COL5A2: variants seen among roughly 807,000 people sequenced by gnomAD.
COL5A2 encodes the protein collagen type V alpha 2 chain.
COL5A2 carries 23 observed loss-of-function variants against 208.2 expected under a neutral mutation model. That is an observed-to-expected ratio of 0.11 (90% CI 0.08 to 0.16). The LOEUF (loss-of-function observed/expected upper bound fraction) is 0.16. Ranked by LOEUF, COL5A2 falls within the 10% of genes least tolerant of loss-of-function variation. The pLI is 1.00. For synonymous variants in COL5A2, 625 were observed against 628.5 expected, an observed-to-expected ratio of 0.99 and a Z score of 0.08; for missense variants, 1,590 against 1,956.4, an observed-to-expected ratio of 0.81 and a Z score of 3.53.
intron 16 of COL5A2, 58 bp from the exon 17 acceptor site, chr2:189,075,495 T>C (rs1686385112): frequency 7.2e-7 from 1 of 1,392,898 alleles, no homozygotes; most frequent in African/African-American, 1.4e-5. Flanking sequence ...CTATATTTTC[T>C]CTTATTTGCC....
chr2:189,155,284 G>A (rs942857180), intron 1 of COL5A2, among the ~76,000 whole-genome samples: 62 of 152,128 alleles, frequency 4.1e-4, no homozygotes, highest in Non-Finnish European at 1.0e-4. Flanking sequence ...CATTGCACTA[G>A]GCCTTTGGGA....
chr2:189,075,384 A>G lies in COL5A2; in HGVS notation c.1104+9T>C. ...ATTAATGAATTAATATGAAAATAAT[A>G]TAACTCACCATTGGTCCAGGTTTTC... On this transcript the variant is annotated intron_variant, in intron 17 of 53. Coordinates refer to ENST00000374866, the MANE Select transcript of COL5A2 (RefSeq NM_000393.5). The G allele has an allele frequency of 6.3e-7, 1 of 1,579,622 alleles. No homozygotes were observed. Among genetic ancestry groups the G allele is most frequent in the Non-Finnish European group, 8.7e-7 (1 of 1,149,268 alleles).
rs749541235 is a variant in COL5A2 at position 189,052,735 on chromosome 2, T to C, written c.2715+14A>G. 1 of 1,613,578 alleles carries C rather than the reference T, an allele frequency of 6.2e-7. No individual in the cohort carries two copies. Among genetic ancestry groups the C allele is most frequent in the Non-Finnish European group, 8.5e-7 (1 of 1,179,478 alleles). ...TTAGCTGTGCATACTTTGCAGAGCA[T>C]CAAATAAACTTACAGGCGGACCTTG... On this transcript the variant is annotated intron_variant, in intron 40 of 53. Transcript: ENST00000374866.
At chr2:189,182,366 G>C (rs564436885), upstream of COL5A2, among the ~76,000 whole-genome samples, 3 of 152,110 alleles carry the variant, frequency 2.0e-5, no homozygotes, top group African/African-American at 7.2e-5. Context: ...ATATATAGGC[G>C]ATTACGGTTC....
At chr2:189,371,140 C>T in the COL5A2 span, among the ~76,000 whole-genome samples, 1 of 152,122 alleles carries the variant, frequency 6.6e-6, no homozygotes, top group Non-Finnish European at 1.5e-5. Flanking sequence ...TGTGCCTGCT[C>T]CCCCTTTGCC....
At chr2:189,369,193 T>C in the COL5A2 span, among the ~76,000 whole-genome samples, 1 of 152,172 alleles carries the variant, frequency 6.6e-6, no homozygotes, top group Non-Finnish European at 1.5e-5. Flanking sequence ...TTAGAGCATG[T>C]ATCACTAATA....
chr2:189,197,950 C>T (rs889624424), intron 1 of COL5A2, among the ~76,000 whole-genome samples: 4 of 151,676 alleles, frequency 2.6e-5, no homozygotes, highest in Non-Finnish European at 5.9e-5. Context: ...CCCAGGTTCA[C>T]GCCATTCTCG....
At chr2:189,305,988 C>T in the COL5A2 span, among the ~76,000 whole-genome samples, 2 of 152,092 alleles carry the variant, frequency 1.3e-5, no homozygotes, top group African/African-American at 4.8e-5. Context: ...AGTCCAATAG[C>T]CTGCTGGAGG....
intron 31 of COL5A2, 96 bp downstream of exon 31, chr2:189,060,634 G>T (rs1435401276): frequency 3.0e-6 from 3 of 1,005,512 alleles, no homozygotes; most frequent in Non-Finnish European, 3.1e-6. Context: ...AAGAGATAAT[G>T]TATGTAAAGG....
chr2:189,197,281 AGGGGGTT>A (rs150369342), intron 1 of COL5A2, among the ~76,000 whole-genome samples: 4,888 of 152,086 alleles, frequency 0.032, 92 homozygotes, highest in South Asian at 0.049. Flanking sequence ...GGGGCCAGCC[AGGGGGTT>A]GGGGTGCGAT....
At chr2:189,137,792 T>C (rs142001634) in intron 1 of COL5A2, among the ~76,000 whole-genome samples, 81 of 152,274 alleles carry the variant, frequency 5.3e-4, no homozygotes, top group Non-Finnish European at 8.4e-4. Context: ...GATGGGTGCA[T>C]AAATGATGTG....
chr2:189,186,142 G>A lies in COL5A2; in HGVS notation c.-42+39006C>T, dbSNP rs1688848657. Among the ~76,000 whole-genome samples, 9 of 151,834 alleles carry A rather than the reference G, an allele frequency of 5.9e-5. No homozygotes were observed. In the South Asian group the frequency reaches 1.5e-3, roughly 25 times the overall value. On this transcript the variant is annotated intron_variant, in intron 1 of 10. Coordinates refer to the COL5A2 transcript ENST00000649966. ...CCTCTCACCTCAGGCTCTTGGGCAC[G>A]CACCATCACAATCAGCTATTTTTTT...
chr2:189,066,686 A>G (rs199532847), intron 22 of COL5A2, 43 bp downstream of exon 22: 131 of 1,525,988 alleles, frequency 8.6e-5, no homozygotes, highest in Non-Finnish European at 1.5e-5. Context: ...ACACTTCCAG[A>G]CAATACTATG....
intron 1 of COL5A2, among the ~76,000 whole-genome samples, chr2:189,222,388 A>C (rs754056371): frequency 6.6e-5 from 10 of 152,198 alleles, no homozygotes; most frequent in Admixed American, 1.3e-4. Flanking sequence ...TTTTAGAAAC[A>C]ATACTATGTA....
At chr2:189,327,703 T>A in the COL5A2 span, among the ~76,000 whole-genome samples, 1 of 152,180 alleles carries the variant, frequency 6.6e-6, no homozygotes, top group Non-Finnish European at 1.5e-5. Context: ...CATAATAAAT[T>A]ACTCAAATAC....
chr2:189,234,682 T>C, the COL5A2 span, among the ~76,000 whole-genome samples: 1 of 151,900 alleles, frequency 6.6e-6, no homozygotes, highest in East Asian at 1.9e-4. Context: ...TGTAAACATC[T>C]AATTTTAGCT....
chr2:189,240,909 G>C, the COL5A2 span, among the ~76,000 whole-genome samples: 1 of 152,054 alleles, frequency 6.6e-6, no homozygotes, highest in Non-Finnish European at 1.5e-5. Context: ...TCATAAAATA[G>C]ACTGCAAGAA....
rs766403658 is a variant in COL5A2 at position 189,032,446 on chromosome 2, C to T, written c.*1624G>A. 2.0e-5 allele frequency: 3 copies of T among 152,088 alleles called. No individual in the cohort carries two copies. The highest frequency in any genetic ancestry group is 4.4e-5 in the Non-Finnish European group (3 of 68,000). The allele number at this position is 152,088 out of a possible 1,614,324, so 9.4% of individuals were successfully genotyped here. A position where few individuals can be genotyped will look rare whatever the true frequency, so the allele number is the denominator to read the frequency against. ...TGGCAAACAAAGTATACCACCACAT[C>T]TCCTTTTCACTATTGGAAATGAAAT... On this transcript the variant is annotated 3_prime_UTR_variant, in exon 54 of 54. Coordinates refer to ENST00000374866, the MANE Select transcript of COL5A2 (RefSeq NM_000393.5).
At chr2:189,060,668 T>C in intron 31 of COL5A2, 62 bp downstream of exon 31, 1 of 1,381,786 alleles carries the variant, frequency 7.2e-7, no homozygotes, top group Admixed American at 1.7e-5. Context: ...GCCTCACACA[T>C]AAAAAGTGAT....
Sources: allele counts gnomAD v4.1 joint callset (sites outside exome capture counted in the v4.1 genomes callset), GRCh38; gene constraint gnomAD v4.1.1; transcripts MANE v1.5; gene names NCBI Gene and HGNC (gene_info 2026-07-23, HGNC 2026-07-21).